ZNF786: variants seen among roughly 807,000 people sequenced by gnomAD.
The protein encoded by ZNF786 is zinc finger protein 786.
In ZNF786, 56 loss-of-function variants were observed where a neutral mutation model predicts 63.1. The observed-to-expected ratio is 0.89, with a 90% CI of 0.72 to 1.11. The LOEUF is 1.11. Ranked by LOEUF, ZNF786 falls within the 50% of genes least tolerant of loss-of-function variation. The pLI, the probability that ZNF786 is intolerant of heterozygous loss-of-function variation, is 0.00. For missense variants in ZNF786, 1,213 were observed against 1,041.8 expected, an observed-to-expected ratio of 1.16 and a Z score of -2.26; for synonymous variants, 485 against 406.9, an observed-to-expected ratio of 1.19 and a Z score of -2.31.
At chr7:149,079,205 G>C (rs1016149431) in intron 2 of ZNF786, among the ~76,000 whole-genome samples, 2 of 152,084 alleles carry the variant, frequency 1.3e-5, no homozygotes, top group African/African-American at 4.8e-5. Context: ...TCAGGAAATC[G>C]AGACCATCCT....
chr7:149,080,285 C>A (rs1047621246), intron 2 of ZNF786, among the ~76,000 whole-genome samples: 1 of 152,090 alleles, frequency 6.6e-6, no homozygotes, highest in East Asian at 1.9e-4. Context: ...CATGAATGTG[C>A]GCTAGGTGTG....
intron 1 of ZNF786, among the ~76,000 whole-genome samples, chr7:149,085,145 G>A (rs2129516841): frequency 6.6e-6 from 1 of 152,150 alleles, no homozygotes; most frequent in East Asian, 1.9e-4. Flanking sequence ...TGTTCCATTG[G>A]TCTATATGTC....
Position 149,086,455 on chromosome 7 carries a change from C to T in ZNF786, c.18+4168G>A, listed in dbSNP as rs146962632. Among the ~76,000 whole-genome samples the T allele has an allele frequency of 8.7e-4, 133 of 152,288 alleles. 2 individuals are homozygous for T. The highest frequency in any genetic ancestry group is 3.1e-3 in the African/African-American group (130 of 41,556). Reference sequence around the variant, plus strand: ...CCAGCTTTGCCAATATGGCTAAACCCTGTCCCTACTAAAAATACAAAAATT... The same window carrying T: ...CCAGCTTTGCCAATATGGCTAAACCTTGTCCCTACTAAAAATACAAAAATT... On this transcript the variant is annotated intron_variant, in intron 1 of 3. Coordinates refer to ENST00000491431, the MANE Select transcript of ZNF786 (RefSeq NM_152411.4).
At chr7:149,082,814 C>G (rs1825674794) in intron 1 of ZNF786, among the ~76,000 whole-genome samples, 1 of 151,172 alleles carries the variant, frequency 6.6e-6, no homozygotes, top group African/African-American at 2.4e-5. Context: ...AACTCCTGAC[C>G]TCAAGTCATC....
In ZNF786 at chr7:149,070,601, C is replaced by G. The variant is rs1462458733; in HGVS notation, c.2171G>C (p.Arg724Pro). ...RERGHMLRHQ[R>P]IHRPERPFAC... ...AAAGGGCCTCTCGGGCCTGTGGATG[C>G]GCTGGTGCCTCAGCATGTGTCCCCT... is the stretch of plus-strand genomic sequence containing the variant. Residue 724 changes from arginine (R) to proline (P), a missense_variant, in exon 4 of 4, where the codon CGC (arginine) becomes CCC (proline). By Grantham distance (103) the Arg-to-Pro change is moderately radical (BLOSUM62 -2). Coordinates refer to ENST00000491431, the MANE Select transcript of ZNF786 (RefSeq NM_152411.4). The G allele has an allele frequency of 6.2e-7, 1 of 1,614,002 alleles. No individual in the cohort carries two copies. The highest frequency in any genetic ancestry group is 1.7e-5 in the Admixed American group (1 of 60,022).
Position 149,080,647 on chromosome 7 carries a change from T to G in ZNF786, c.89A>C (p.Gln30Pro). 6.2e-7 allele frequency: 1 copy of G among 1,613,212 alleles called. No homozygotes were observed. The highest frequency in any genetic ancestry group is 8.5e-7 in the Non-Finnish European group (1 of 1,179,756). The change falls in exon 2 of 4, where the codon CAG becomes CCG. Residue 30 changes from glutamine (Q) to proline (P), a missense_variant. By Grantham distance (76) the Gln-to-Pro change is moderately conservative. Coordinates refer to ENST00000491431, the MANE Select transcript of ZNF786 (RefSeq NM_152411.4). The stretch of plus-strand genomic sequence containing the variant: ...CATCACATGCTTGTAAAGTTCCTTC[T>G]GCCATGCCTCTAGATCCTGCCATTC... The part of the protein sequence containing the change: ...EQEWQDLEAW[Q>P]KELYKHVMRS...
chr7:149,083,895 T>C (rs1825690343), intron 1 of ZNF786, among the ~76,000 whole-genome samples: 1 of 152,248 alleles, frequency 6.6e-6, no homozygotes, highest in African/African-American at 2.4e-5. Flanking sequence ...TAGTATTCCA[T>C]AGTGCATATG....
At chr7:149,089,903 T>C (rs1332157332) in intron 1 of ZNF786, among the ~76,000 whole-genome samples, 17 of 148,778 alleles carry the variant, frequency 1.1e-4, no homozygotes, top group Non-Finnish European at 2.2e-4. Flanking sequence ...TTAGTAGAGT[T>C]GGGGTTTCAC....
At position 149,074,469 on chromosome 7, in the gene ZNF786, C is replaced by T. The variant is rs1485506943; in HGVS notation, c.215G>A (p.Arg72Lys). Residue 72 changes from arginine (R) to lysine (K), a missense_variant, in exon 3 of 4, where the codon AGA becomes AAA. Transcript: ENST00000491431. ...TATGTTTCCTGATTTCTGTGATTCT[C>T]TCCATTTCCTGAAGGGCTCTCCCCC... ...EHGGEPFRKWRESQKSGNIIC... is the reference protein window; with the variant it reads ...EHGGEPFRKWKESQKSGNIIC... The T allele has an allele frequency of 1.2e-6, 2 of 1,613,756 alleles. No homozygotes were observed. The highest frequency in any genetic ancestry group is 1.3e-5 in the African/African-American group (1 of 74,892).
intron 2 of ZNF786, among the ~76,000 whole-genome samples, chr7:149,075,655 G>GTGTTTTTT (rs1307454049): frequency 1.4e-5 from 1 of 69,454 alleles, no homozygotes; most frequent in African/African-American, 5.9e-5. Context: ...CACACTTCAG[G>GTGTTTTTT]TTTTTTTTTT....
At chr7:149,080,561 G>T (rs1825632412) in intron 2 of ZNF786, 30 bp downstream of exon 2, 3 of 1,543,518 alleles carry the variant, frequency 1.9e-6, no homozygotes, top group Non-Finnish European at 2.6e-6. Context: ...CCAGTTCCAT[G>T]ACCTACCCAC....
At chr7:149,073,285 G>T (rs1825464846) in intron 3 of ZNF786, among the ~76,000 whole-genome samples, 2 of 152,156 alleles carry the variant, frequency 1.3e-5, no homozygotes, top group Admixed American at 1.3e-4. Context: ...AAAAATCTCA[G>T]ACTCTCTCCT....
chr7:149,081,125 T>C (rs983267448), intron 1 of ZNF786: 17 of 456,752 alleles, frequency 3.7e-5, no homozygotes, highest in African/African-American at 2.2e-4. Context: ...ATGGGACATA[T>C]AGTTTGTTTC....
chr7:149,071,402 T>G lies in ZNF786; in HGVS notation c.1370A>C (p.Lys457Thr), dbSNP rs377609072. 6.2e-7 allele frequency: 1 copy of G among 1,613,158 alleles called. No individual in the cohort carries two copies. The highest frequency in any genetic ancestry group is 8.5e-7 in the Non-Finnish European group (1 of 1,179,766). Reference protein sequence around the residue: ...HSGEKPFRCAKCGRNFRQRGQ... With the variant: ...HSGEKPFRCATCGRNFRQRGQ... ...CCTCTGACGGAAGTTCCTGCCACAC[T>G]TGGCACACCGGAAAGGCTTCTCTCC... The change falls in exon 4 of 4, where the codon AAG becomes ACG. Residue 457 changes from lysine (K) to threonine (T), a missense_variant. Physicochemically the swap from Lys to Thr is moderately conservative, Grantham distance 78. Coordinates refer to ENST00000491431, the MANE Select transcript of ZNF786 (RefSeq NM_152411.4).
Position 149,070,440 on chromosome 7 carries a change from C to T in ZNF786, c.2332G>A (p.Glu778Lys), listed in dbSNP as rs760978174. The T allele has an allele frequency of 1.9e-6, 3 of 1,613,598 alleles. No homozygotes were observed. The highest frequency in any genetic ancestry group is 2.5e-6 in the Non-Finnish European group (3 of 1,179,596). Reference sequence around the variant, plus strand: ...ACTCTGCCTCAACTCCAATCGGCCTCTATCATTGCAAACAGTTGGCTGAGC... The same window carrying T: ...ACTCTGCCTCAACTCCAATCGGCCTTTATCATTGCAAACAGTTGGCTGAGC... ...KRLSQLFAMI[E>K]ADWS The change falls in exon 4 of 4, where the codon GAG becomes AAG. Residue 778 changes from glutamate (E) to lysine (K), a missense_variant. Glu to Lys is a moderately conservative substitution (Grantham distance 56). Transcript: ENST00000491431.
Position 149,071,706 on chromosome 7 carries a change from C to G in ZNF786, c.1066G>C (p.Gly356Arg). 1.9e-6 allele frequency: 3 copies of G among 1,577,910 alleles called. No individual in the cohort carries two copies. The highest frequency in any genetic ancestry group is 2.6e-6 in the Non-Finnish European group (3 of 1,169,764). Residue 356 changes from glycine (G) to arginine (R), a missense_variant, in exon 4 of 4, where the codon GGG becomes CGG. Physicochemically the swap from Gly to Arg is moderately radical, Grantham distance 125 (BLOSUM62 -2). Transcript: ENST00000491431. ...LPQEGNSHQE[G>R]DTEALQHGAE... is the part of the protein sequence containing the mutation. ...CCATGCTGCAGCGCCTCCGTGTCCCCTTCCTGGTGGCTGTTCCCCTCCTGG... is the reference window on the plus strand; with the variant it reads ...CCATGCTGCAGCGCCTCCGTGTCCCGTTCCTGGTGGCTGTTCCCCTCCTGG...
chr7:149,081,523 G>A lies in ZNF786; in HGVS notation c.19-806C>T, dbSNP rs551418354. Among the ~76,000 whole-genome samples the A allele has an allele frequency of 3.7e-4, 56 of 150,342 alleles. 2 individuals are homozygous for A. In the South Asian group the frequency reaches 0.012, roughly 31 times the overall value. On this transcript the variant is annotated intron_variant, in intron 1 of 3. Transcript: ENST00000491431. ...TACTTCTTCAGGATAAAGTATAAAA[G>A]GGGAAATACTAAATCAAAGAGAAAA... is the stretch of plus-strand genomic sequence containing the variant.
Position 149,071,433 on chromosome 7 carries a change from G to T in ZNF786, c.1339C>A (p.His447Asn), listed in dbSNP as rs764383132. 6.2e-7 allele frequency: 1 copy of T among 1,613,070 alleles called. No individual in the cohort carries two copies. The highest frequency in any genetic ancestry group is 8.5e-7 in the Non-Finnish European group (1 of 1,179,794). The change falls in exon 4 of 4, where the codon CAC becomes AAC. Residue 447 changes from histidine to asparagine, a missense_variant. Transcript: ENST00000491431. ...QCKLTEHIRV[H>N]SGEKPFRCAK... ...CACCGGAAAGGCTTCTCTCCGCTGTGGACTCGAATGTGCTCCGTGAGTTTA... is the reference window on the plus strand; with the variant it reads ...CACCGGAAAGGCTTCTCTCCGCTGTTGACTCGAATGTGCTCCGTGAGTTTA...
intron 1 of ZNF786, among the ~76,000 whole-genome samples, chr7:149,090,108 A>AT (rs1393934710): frequency 1.3e-5 from 2 of 152,182 alleles, no homozygotes; most frequent in Admixed American, 6.5e-5. Flanking sequence ...CACTAACTTA[A>AT]TTTTTTGTAT....
Sources: gnomAD v4.1 joint callset for allele counts (sites outside exome capture counted in the v4.1 genomes callset) on GRCh38, gnomAD v4.1.1 for gene constraint, MANE v1.5 for transcripts, NCBI Gene and HGNC (gene_info 2026-07-23, HGNC 2026-07-21) for gene names.